RABGEF1: variants seen among roughly 807,000 people sequenced by gnomAD.
RABGEF1 encodes the protein RAB guanine nucleotide exchange factor 1.
Under a neutral mutation model 57.3 loss-of-function variants are expected in RABGEF1, and 26 were observed. That is an observed-to-expected ratio of 0.45 (90% CI 0.33 to 0.63). RABGEF1 has a LOEUF of 0.63. RABGEF1 is among the 20% of genes least tolerant of loss of function. The pLI, the probability that RABGEF1 is intolerant of heterozygous loss-of-function variation, is 0.02. For missense variants in RABGEF1, 464 were observed against 607.6 expected (o/e 0.76, Z 2.48); for synonymous variants, 185 against 210.7 (o/e 0.88, Z 1.06).
At position 66,703,428 on chromosome 7, in the gene RABGEF1, CAGTT is replaced by C. The variant is rs369172232; in HGVS notation, c.-872-8736_-872-8733del. 2.2e-4 allele frequency among the ~76,000 whole-genome samples: 33 copies of C among 152,296 alleles called. 1 individual carries two copies. The East Asian group carries it at 5.4e-3, about 25-fold the overall frequency. ...AAGAATTCTACAATTTTAGCTCTCA[CAGTT>C]AGGTCTTTTATCCATTTTGAATTAT... On this transcript the variant is annotated intron_variant and NMD_transcript_variant, in intron 1 of 9. Coordinates refer to the RABGEF1 transcript ENST00000607882.
chr7:66,699,006 C>G (rs1311962223), intron 1 of RABGEF1, among the ~76,000 whole-genome samples: 2 of 152,226 alleles, frequency 1.3e-5, no homozygotes, highest in Admixed American at 6.5e-5. Context: ...CCTTCAGTCC[C>G]ACATGCAGCG....
chr7:66,749,434 CA>C (rs1392895907), intron 1 of RABGEF1, among the ~76,000 whole-genome samples: 1 of 152,088 alleles, frequency 6.6e-6, no homozygotes, highest in Non-Finnish European at 1.5e-5. Context: ...ATGTGTTCCT[CA>C]AAAAGGAGTT....
chr7:66,800,999 G>T (rs1787161332), intron 7 of RABGEF1, among the ~76,000 whole-genome samples: 1 of 152,250 alleles, frequency 6.6e-6, no homozygotes, highest in African/African-American at 2.4e-5. Context: ...GGAGGCTCAT[G>T]TTCTGGGCTG....
At chr7:66,666,823 G>T in the RABGEF1 span, among the ~76,000 whole-genome samples, 1 of 152,228 alleles carries the variant, frequency 6.6e-6, no homozygotes, top group Non-Finnish European at 1.5e-5. Flanking sequence ...GAGTTCCAGG[G>T]CTCCTTGGAG....
At chr7:66,795,120 G>A (rs1195575999) in intron 4 of RABGEF1, among the ~76,000 whole-genome samples, 1 of 152,132 alleles carries the variant, frequency 6.6e-6, no homozygotes, top group Non-Finnish European at 1.5e-5. Context: ...TCTTCTTTCT[G>A]TGTGGAGCCC....
At chr7:66,701,496 CTCTTT>C (rs1468248832) in intron 1 of RABGEF1, among the ~76,000 whole-genome samples, 1 of 137,790 alleles carries the variant, frequency 7.3e-6, no homozygotes, top group African/African-American at 2.6e-5. Context: ...GAGACTCTGA[CTCTTT>C]TTTTTTTTTT....
chr7:66,707,957 A>G (rs1794331325), intron 1 of RABGEF1, among the ~76,000 whole-genome samples: 3 of 152,084 alleles, frequency 2.0e-5, no homozygotes, highest in African/African-American at 4.8e-5. Flanking sequence ...TACTTTCTGC[A>G]TGGAATATTT....
intron 1 of RABGEF1, among the ~76,000 whole-genome samples, chr7:66,699,507 G>A (rs187013624): frequency 7.2e-5 from 11 of 152,172 alleles, no homozygotes; most frequent in African/African-American, 1.4e-4. Flanking sequence ...CCTGGCCAAC[G>A]TGGTGAAACC....
chr7:66,685,653 T>C (rs1381939694), intron 1 of RABGEF1, among the ~76,000 whole-genome samples: 1 of 152,254 alleles, frequency 6.6e-6, no homozygotes, highest in African/African-American at 2.4e-5. Context: ...TAATGAGTAT[T>C]TAACTGATTT....
intron 1 of RABGEF1, among the ~76,000 whole-genome samples, chr7:66,755,071 G>C (rs1366018439): frequency 6.6e-6 from 1 of 152,182 alleles, no homozygotes; most frequent in African/African-American, 2.4e-5. Flanking sequence ...AAGGCAGGCG[G>C]ATCACGAGGT....
At chr7:66,794,270 TTCTC>T (rs1317502321) in intron 4 of RABGEF1, among the ~76,000 whole-genome samples, 6 of 150,468 alleles carry the variant, frequency 4.0e-5, no homozygotes, top group Non-Finnish European at 8.9e-5. Context: ...ATTTCTTTCT[TTCTC>T]TTTCTTTCCT....
intron 2 of RABGEF1, among the ~76,000 whole-genome samples, chr7:66,714,483 T>C (rs1795131715): frequency 2.0e-5 from 3 of 152,200 alleles, no homozygotes; most frequent in Admixed American, 2.0e-4. Flanking sequence ...GTTATTTGGC[T>C]AGAGGTTTGG....
At chr7:66,667,956 C>T in the RABGEF1 span, among the ~76,000 whole-genome samples, 1 of 152,120 alleles carries the variant, frequency 6.6e-6, no homozygotes, top group Non-Finnish European at 1.5e-5. Context: ...TGCCACCACG[C>T]CTGGCTGATT....
intron 2 of RABGEF1, among the ~76,000 whole-genome samples, chr7:66,731,778 G>A (rs1344227088): frequency 2.6e-5 from 4 of 152,176 alleles, no homozygotes; most frequent in Non-Finnish European, 5.9e-5. Flanking sequence ...CCACAGTCAT[G>A]CCTGCCTCAC....
At chr7:66,789,682 CAAAAA>C (rs35661980) in intron 4 of RABGEF1, among the ~76,000 whole-genome samples, 18 of 57,486 alleles carry the variant, frequency 3.1e-4, no homozygotes, top group East Asian at 2.3e-3. Context: ...GACTCTATCT[CAAAAA>C]AAAAAAAAAA....
At chr7:66,808,828 T>A in intron 8 of RABGEF1, 58 bp from the exon 9 acceptor site, 1 of 1,425,884 alleles carries the variant, frequency 7.0e-7, no homozygotes, top group South Asian at 1.4e-5. Context: ...TTTTTACAAA[T>A]CGACTCGAGT....
chr7:66,745,152 A>G (rs1407805214), intron 1 of RABGEF1, among the ~76,000 whole-genome samples: 1 of 151,998 alleles, frequency 6.6e-6, no homozygotes, highest in Non-Finnish European at 1.5e-5. Context: ...AGATTGTGCC[A>G]CTGCACTCCA....
intron 1 of RABGEF1, among the ~76,000 whole-genome samples, chr7:66,692,066 C>A (rs1584683417): frequency 1.1e-5 from 1 of 94,346 alleles, no homozygotes; most frequent in Admixed American, 1.0e-4. Context: ...TCTTAAAAAA[C>A]AAACAAACAA....
chr7:66,773,074 T>G (rs1411627609), intron 2 of RABGEF1, among the ~76,000 whole-genome samples: 2 of 133,396 alleles, frequency 1.5e-5, no homozygotes, highest in Admixed American at 7.9e-5. Context: ...CTCCTCTAGC[T>G]AGTTGTTTGT....
Sources: allele counts gnomAD v4.1 joint callset (sites outside exome capture counted in the v4.1 genomes callset), GRCh38; gene constraint gnomAD v4.1.1; transcripts MANE v1.5; gene names NCBI Gene and HGNC (gene_info 2026-07-23, HGNC 2026-07-21).